The following EHBP1 variants were observed in gnomAD, a reference collection of about 807,000 sequenced individuals.
EHBP1 encodes EH domain-binding protein 1.
EHBP1 carries 55 observed loss-of-function variants against 144.0 expected under a neutral mutation model. The observed-to-expected ratio is 0.38, with a 90% confidence interval of 0.31 to 0.48. The LOEUF (loss-of-function observed/expected upper bound fraction) is 0.48. Ranked by LOEUF, EHBP1 falls within the 20% of genes least tolerant of loss-of-function variation. The pLI, the probability that EHBP1 is intolerant of heterozygous loss-of-function variation, is 0.98. For missense variants in EHBP1, 1,200 were observed against 1,364.2 expected, an observed-to-expected ratio of 0.88 and a Z score of 1.90; for synonymous variants, 469 against 472.7, an observed-to-expected ratio of 0.99 and a Z score of 0.10.
chr2:63,012,212 T>A (rs2060295387), intron 19 of EHBP1, among the ~76,000 whole-genome samples: 1 of 151,992 alleles, frequency 6.6e-6, no homozygotes, highest in South Asian at 2.1e-4. Flanking sequence ...GATGATGACA[T>A]ACTAGTCTAG....
At chr2:62,882,954 C>T (rs1006443356) in intron 10 of EHBP1, among the ~76,000 whole-genome samples, 1 of 151,508 alleles carries the variant, frequency 6.6e-6, no homozygotes, top group African/African-American at 2.4e-5. Context: ...TGTTACCTCA[C>T]TTGATCCATA....
At chr2:62,840,943 G>A (rs2047785262) in intron 7 of EHBP1, among the ~76,000 whole-genome samples, 1 of 152,050 alleles carries the variant, frequency 6.6e-6, no homozygotes, top group Non-Finnish European at 1.5e-5. Context: ...GATTCCTCAG[G>A]GATCTAGAAC....
intron 5 of EHBP1, 95 bp downstream of exon 5, chr2:62,771,487 GC>G: frequency 1.1e-6 from 1 of 918,742 alleles, no homozygotes; most frequent in Non-Finnish European, 1.6e-6. Context: ...GAAAAATGTT[GC>G]CTTAAGAAAA....
intron 19 of EHBP1, among the ~76,000 whole-genome samples, chr2:63,020,773 G>C (rs2060708676): frequency 1.3e-5 from 2 of 151,428 alleles, no homozygotes; most frequent in Admixed American, 1.3e-4. Flanking sequence ...TTGCCTCCCA[G>C]GTTCAAGCCA....
chr2:62,924,164 G>A (rs758483868), intron 10 of EHBP1, among the ~76,000 whole-genome samples: 3 of 152,168 alleles, frequency 2.0e-5, no homozygotes, highest in African/African-American at 7.2e-5. Context: ...CCCCTGGTGG[G>A]CATACCCCCA....
intron 2 of EHBP1, among the ~76,000 whole-genome samples, chr2:62,740,005 T>C (rs2038554190): frequency 6.6e-6 from 1 of 152,010 alleles, no homozygotes; most frequent in Non-Finnish European, 1.5e-5. Flanking sequence ...TATTTATTTA[T>C]TTATTTTGGT....
chr2:62,675,381 G>A (rs2033247621), intron 1 of EHBP1, among the ~76,000 whole-genome samples: 1 of 152,148 alleles, frequency 6.6e-6, no homozygotes, highest in Admixed American at 6.5e-5. Flanking sequence ...GTGTCTATAT[G>A]TGCAAGTCAT....
In EHBP1 at chr2:63,019,321, AAGAGT is replaced by A. The variant is rs1264825669; in HGVS notation, c.3104-18212_3104-18208del. Among the ~76,000 whole-genome samples, 10 of 152,338 alleles carry A rather than the reference AAGAGT, an allele frequency of 6.6e-5. No individual in the cohort carries two copies. The East Asian group carries it at 1.9e-3, about 29-fold the overall frequency. Reference sequence around the variant, plus strand: ...GAGAAGTAGCACAGCATAGAGATTTAAGAGTATAGACTTTAAAATCAGTAAGATCC... The same window carrying A: ...GAGAAGTAGCACAGCATAGAGATTTAATAGACTTTAAAATCAGTAAGATCC... On this transcript the variant is annotated intron_variant, in intron 19 of 22. Transcript: ENST00000431489.
At chr2:62,689,132 G>A (rs944022251) in intron 1 of EHBP1, among the ~76,000 whole-genome samples, 6 of 152,294 alleles carry the variant, frequency 3.9e-5, no homozygotes, top group South Asian at 2.1e-4. Flanking sequence ...AAAGCCTATA[G>A]TTATTTTTAT....
chr2:62,677,053 C>T (rs1284354922), intron 1 of EHBP1, among the ~76,000 whole-genome samples: 1 of 152,106 alleles, frequency 6.6e-6, no homozygotes, highest in Admixed American at 6.6e-5. Context: ...GTCCCAGATA[C>T]TCGCAGTGGT....
intron 5 of EHBP1, among the ~76,000 whole-genome samples, chr2:62,822,783 A>G (rs1373384668): frequency 6.6e-6 from 1 of 152,182 alleles, no homozygotes; most frequent in East Asian, 1.9e-4. Flanking sequence ...GCTTAGATAC[A>G]TGAAGAAATC....
chr2:62,821,841 T>A (rs1232961488), intron 5 of EHBP1, among the ~76,000 whole-genome samples: 1 of 152,162 alleles, frequency 6.6e-6, no homozygotes, highest in Non-Finnish European at 1.5e-5. Flanking sequence ...AATTTTTTAT[T>A]TTTTATTTTT....
intron 14 of EHBP1, among the ~76,000 whole-genome samples, chr2:62,974,991 G>A (rs148856395): frequency 1.6e-3 from 242 of 152,240 alleles, no homozygotes; most frequent in African/African-American, 2.4e-3. Flanking sequence ...GGGCACAGTG[G>A]GCATGCTTTG....
intron 1 of EHBP1, among the ~76,000 whole-genome samples, chr2:62,678,450 A>C (rs774397160): frequency 6.6e-6 from 1 of 152,048 alleles, no homozygotes; most frequent in Non-Finnish European, 1.5e-5. Context: ...TCACTTTGTT[A>C]ATGTTTCCTT....
chr2:62,998,629 A>G (rs2059733193), intron 19 of EHBP1, among the ~76,000 whole-genome samples: 1 of 152,076 alleles, frequency 6.6e-6, no homozygotes, highest in Admixed American at 6.6e-5. Context: ...AATAGACTCA[A>G]TTTCTCCTTC....
intron 9 of EHBP1, among the ~76,000 whole-genome samples, chr2:62,872,307 A>C (rs1235613445): frequency 6.6e-6 from 1 of 152,114 alleles, no homozygotes; most frequent in African/African-American, 2.4e-5. Flanking sequence ...TTAGTGATAT[A>C]ACTAATTTAT....
chr2:62,849,992 A>G (rs571056769), intron 7 of EHBP1, among the ~76,000 whole-genome samples: 98 of 152,244 alleles, frequency 6.4e-4, no homozygotes, highest in African/African-American at 2.3e-3. Flanking sequence ...GATTTAGGGG[A>G]AAAATGGGAC....
chr2:62,708,881 T>C (rs775779034), intron 2 of EHBP1, among the ~76,000 whole-genome samples: 10 of 152,158 alleles, frequency 6.6e-5, no homozygotes, highest in Non-Finnish European at 1.5e-4. Flanking sequence ...AGTTTGATAT[T>C]AATGGGGTTT....
chr2:62,859,533 C>T (rs140092831), intron 8 of EHBP1, among the ~76,000 whole-genome samples: 1 of 152,236 alleles, frequency 6.6e-6, no homozygotes, highest in East Asian at 1.9e-4. Flanking sequence ...AAGTCTCATT[C>T]GTTTGGTCTA....
Sources: gnomAD v4.1 joint callset for allele counts (sites outside exome capture counted in the v4.1 genomes callset) on GRCh38, gnomAD v4.1.1 for gene constraint, MANE v1.5 for transcripts, NCBI Gene and HGNC (gene_info 2026-07-23, HGNC 2026-07-21) for gene names.